LRRTM4: variants seen among roughly 807,000 people sequenced by gnomAD.
LRRTM4 encodes the protein leucine rich repeat transmembrane neuronal 4.
Under a neutral mutation model 47.6 loss-of-function variants are expected in LRRTM4, and 25 were observed. The ratio of observed to expected loss-of-function variants is 0.53; its 90% confidence interval spans 0.38 to 0.73. The LOEUF (loss-of-function observed/expected upper bound fraction) is 0.73, where lower values mean the gene tolerates loss of function less well. Ranked by LOEUF, LRRTM4 falls within the 30% of genes least tolerant of loss-of-function variation. The pLI is 0.00. For synonymous variants in LRRTM4, 311 were observed against 269.5 expected (o/e 1.15, Z -1.51); for missense variants, 638 against 713.4 (o/e 0.89, Z 1.20).
intron 3 of LRRTM4, among the ~76,000 whole-genome samples, chr2:77,008,232 G>A (rs1021575724): frequency 3.3e-5 from 5 of 152,056 alleles, no homozygotes; most frequent in Non-Finnish European, 5.9e-5. Flanking sequence ...AATAACTAAA[G>A]GAAAATTACT....
At chr2:76,855,325 C>A (rs370910234) in intron 3 of LRRTM4, among the ~76,000 whole-genome samples, 2 of 152,150 alleles carry the variant, frequency 1.3e-5, no homozygotes, top group East Asian at 3.9e-4. Context: ...TATGAATGCC[C>A]TGCCTTACTG....
intron 3 of LRRTM4, among the ~76,000 whole-genome samples, chr2:76,778,738 G>T (rs909257315): frequency 6.6e-6 from 1 of 150,396 alleles, no homozygotes; most frequent in Non-Finnish European, 1.5e-5. Flanking sequence ...TTTTTTGAAG[G>T]GTTTTTTGTG....
At chr2:77,431,430 G>A in intron 3 of LRRTM4, among the ~76,000 whole-genome samples, 1 of 148,498 alleles carries the variant, frequency 6.7e-6, no homozygotes, top group Non-Finnish European at 1.5e-5. Flanking sequence ...ATCACATTCA[G>A]AATGAGGTTT....
chr2:77,255,498 T>A (rs980064770), intron 3 of LRRTM4, among the ~76,000 whole-genome samples: 2 of 152,034 alleles, frequency 1.3e-5, no homozygotes, highest in Non-Finnish European at 2.9e-5. Flanking sequence ...AGAACATGTA[T>A]CAAATAGATT....
At chr2:77,037,739 T>C (rs915215466) in intron 3 of LRRTM4, among the ~76,000 whole-genome samples, 25 of 151,722 alleles carry the variant, frequency 1.6e-4, no homozygotes, top group African/African-American at 6.0e-4. Flanking sequence ...TGGTTGTTTG[T>C]TTGCTTATTT....
In LRRTM4 at chr2:77,088,996, G is replaced by A. The variant is rs559595179; in HGVS notation, c.1552-340080C>T. On this transcript the variant is annotated intron_variant, in intron 3 of 3. Coordinates refer to ENST00000409884, the MANE Select transcript of LRRTM4 (RefSeq NM_001134745.3). ...TTATCCGTGGACCCAAAACTCCGGC[G>A]CCGGTCACGGACTGGGAAGGCAGCC... 2.7e-3 allele frequency among the ~76,000 whole-genome samples: 412 copies of A among 152,124 alleles called. 2 individuals carry two copies. The highest frequency in any genetic ancestry group is 3.2e-3 in the Non-Finnish European group (215 of 68,016).
intron 3 of LRRTM4, among the ~76,000 whole-genome samples, chr2:76,807,933 CTTT>C: frequency 8.0e-6 from 1 of 124,688 alleles, no homozygotes; most frequent in East Asian, 2.7e-4. Flanking sequence ...CTTTCCTTTC[CTTT>C]CTTTCTTTCT....
rs534310260 is a variant in LRRTM4 at position 76,879,366 on chromosome 2, A to G, written c.1552-130450T>C. Among the ~76,000 whole-genome samples, 7 of 152,314 alleles carry G rather than the reference A, an allele frequency of 4.6e-5. No individual in the cohort carries two copies. The South Asian group carries it at 8.3e-4, about 18-fold the overall frequency. On this transcript the variant is annotated intron_variant, in intron 3 of 3. Coordinates refer to ENST00000409884, the MANE Select transcript of LRRTM4 (RefSeq NM_001134745.3). ...CAGCCAATGCTCATTTACCATTCCTAAAATTTTAGGGCCATTAAGAATTAT... is the reference window on the plus strand; with the variant it reads ...CAGCCAATGCTCATTTACCATTCCTGAAATTTTAGGGCCATTAAGAATTAT...
intron 3 of LRRTM4, among the ~76,000 whole-genome samples, chr2:77,119,711 C>T (rs545694659): frequency 6.6e-6 from 1 of 151,924 alleles, no homozygotes; most frequent in East Asian, 1.9e-4. Flanking sequence ...AAGTCTGCTT[C>T]ATTTCAAATG....
intron 3 of LRRTM4, among the ~76,000 whole-genome samples, chr2:76,908,452 T>A (rs920797694): frequency 6.6e-5 from 10 of 151,178 alleles, no homozygotes; most frequent in East Asian, 5.9e-4. Context: ...ATGCCCTCTC[T>A]CACCACTCCT....
chr2:77,246,138 T>G (rs1675439986), intron 3 of LRRTM4, among the ~76,000 whole-genome samples: 1 of 152,186 alleles, frequency 6.6e-6, no homozygotes. Flanking sequence ...ATATAAACAT[T>G]TGCAAGTGAC....
chr2:77,235,892 A>G (rs1362021281), intron 3 of LRRTM4, among the ~76,000 whole-genome samples: 1 of 152,026 alleles, frequency 6.6e-6, no homozygotes, highest in East Asian at 1.9e-4. Flanking sequence ...TTTTAGTATC[A>G]GTTCTACATT....
chr2:76,806,531 A>G (rs1675975862), intron 3 of LRRTM4, among the ~76,000 whole-genome samples: 1 of 152,206 alleles, frequency 6.6e-6, no homozygotes, highest in Non-Finnish European at 1.5e-5. Flanking sequence ...CAATGAGCCA[A>G]GATCACGTCA....
At chr2:76,893,114 T>A (rs1377208583) in intron 3 of LRRTM4, among the ~76,000 whole-genome samples, 1 of 151,362 alleles carries the variant, frequency 6.6e-6, no homozygotes, top group African/African-American at 2.4e-5. Context: ...GTAATTTGAA[T>A]TCATAAATCA....
chr2:77,211,777 C>T (rs138042517), intron 3 of LRRTM4, among the ~76,000 whole-genome samples: 125 of 151,950 alleles, frequency 8.2e-4, no homozygotes, highest in African/African-American at 1.2e-3. Context: ...AGATTTTAAG[C>T]GAAATATCAG....
At chr2:77,400,722 T>C (rs1673916704) in intron 3 of LRRTM4, among the ~76,000 whole-genome samples, 1 of 151,778 alleles carries the variant, frequency 6.6e-6, no homozygotes, top group African/African-American at 2.4e-5. Context: ...ATCTCTTTGC[T>C]CTCTCCTCTT....
rs542657329 is a variant in LRRTM4, at chr2:76,820,961, C to CT, written c.1552-72046dup. Among the ~76,000 whole-genome samples the CT allele has an allele frequency of 1.9e-4, 29 of 151,666 alleles. No individual in the cohort carries two copies. In the East Asian group the frequency reaches 5.4e-3, roughly 28 times the overall value. On this transcript the variant is annotated intron_variant, in intron 3 of 3. Coordinates refer to ENST00000409884, the MANE Select transcript of LRRTM4 (RefSeq NM_001134745.3). ...GACATCACCTAATGCATCTGAAATT[C>CT]TTTTTTTGCATTGAAATTAAACTGG... is the stretch of plus-strand genomic sequence containing the variant.
At chr2:77,411,618 A>ATTTTTTTTTTTTT (rs1222177148) in intron 3 of LRRTM4, among the ~76,000 whole-genome samples, 21 of 64,798 alleles carry the variant, frequency 3.2e-4, no homozygotes, top group East Asian at 9.3e-4. Flanking sequence ...ATGCCCGGCT[A>ATTTTTTTTTTTTT]TTTTTTTTTT....
intron 3 of LRRTM4, among the ~76,000 whole-genome samples, chr2:77,480,691 A>C (rs910730686): frequency 2.0e-5 from 3 of 152,090 alleles, no homozygotes; most frequent in Non-Finnish European, 4.4e-5. Context: ...AAAATCTCAC[A>C]ATTTACAAAA....
Sources: gnomAD v4.1 joint callset for allele counts (sites outside exome capture counted in the v4.1 genomes callset) on GRCh38, gnomAD v4.1.1 for gene constraint, MANE v1.5 for transcripts, NCBI Gene and HGNC (gene_info 2026-07-23, HGNC 2026-07-21) for gene names.